CSRP1: variants seen among roughly 807,000 people sequenced by gnomAD.
The protein encoded by CSRP1 is cysteine and glycine-rich protein 1.
CSRP1 carries 16 observed loss-of-function variants against 25.4 expected under a neutral mutation model. That is an observed-to-expected ratio of 0.63 (90% CI 0.43 to 0.96). The LOEUF (loss-of-function observed/expected upper bound fraction) is 0.96. CSRP1 is among the 40% of genes least tolerant of loss of function. The pLI is 0.00. For missense variants in CSRP1, 212 were observed against 243.6 expected, an observed-to-expected ratio of 0.87 and a Z score of 0.86; for synonymous variants, 97 against 95.3, an observed-to-expected ratio of 1.02 and a Z score of -0.10.
At chr1:201,486,523 G>C in intron 4 of CSRP1, 1 of 985,636 alleles carries the variant, frequency 1.0e-6, no homozygotes, top group Non-Finnish European at 1.2e-6. Context: ...GAAATGGGGG[G>C]ACCTGGGTCT....
At chr1:201,495,473 G>A (rs1664481457) in intron 2 of CSRP1, 1 of 152,258 alleles carries the variant, frequency 6.6e-6, no homozygotes, top group African/African-American at 2.4e-5. Flanking sequence ...AGGAACCTGA[G>A]GAGAGGCTTC....
rs995427227 is a variant in CSRP1, at chr1:201,502,028, T to TAAAGAAAG, written c.-2+5041_-2+5042insCTTTCTTT. Among the ~76,000 whole-genome samples, 5 of 139,842 alleles carry TAAAGAAAG rather than the reference T, an allele frequency of 3.6e-5. 1 individual carries two copies. Among genetic ancestry groups the TAAAGAAAG allele is most frequent in the African/African-American group, 1.3e-4 (5 of 39,530 alleles). 91.7% of individuals were successfully genotyped at this position (139,842 alleles called of 152,430 possible). On this transcript the variant is annotated intron_variant, in intron 1 of 5. Transcript: ENST00000340006. ...ATAAATAAATAAATAAATAAATAAA[T>TAAAGAAAG]AAAGTCTGGCTCAGGTGACAGGTTG...
rs115693212 is a variant in CSRP1 at position 201,503,779 on chromosome 1, T to C, written c.-2+3291A>G. Among the ~76,000 whole-genome samples the C allele has an allele frequency of 4.9e-3, 740 of 152,286 alleles. 5 individuals are homozygous for C. The highest frequency in any genetic ancestry group is 0.015 in the African/African-American group (638 of 41,562). On this transcript the variant is annotated intron_variant, in intron 1 of 5. Transcript: ENST00000340006. Reference sequence around the variant, plus strand: ...GAACCCAGGACCCCTCCACCTCACCTTCTCTGCCCTCCCCTCAAGTTTTGC... The same window carrying C: ...GAACCCAGGACCCCTCCACCTCACCCTCTCTGCCCTCCCCTCAAGTTTTGC...
chr1:201,484,785 A>T lies in CSRP1; in HGVS notation c.510T>A (p.Cys170Ter). 3 of 1,611,326 alleles carry T rather than the reference A, an allele frequency of 1.9e-6. No homozygotes were observed. Among genetic ancestry groups the T allele is most frequent in the South Asian group, 1.1e-5 (1 of 90,116 alleles). ...CCTTGGGCCCGAAGTTTTTAGCATA[A>T]CATCCTGCAGAGAGAGGAGAGAGAT... ...DKDGEIYCKGCYAKNFGPKGF... is the reference protein window; with the variant it reads ...DKDGEIYCKG Residue 170 changes from cysteine (C) to a stop codon, truncating the protein, a stop_gained, in exon 6 of 6, where the codon TGT becomes TGA. Coordinates refer to ENST00000340006, the MANE Select transcript of CSRP1 (RefSeq NM_004078.3). LOFTEE classifies it high-confidence loss of function.
intron 1 of CSRP1, among the ~76,000 whole-genome samples, chr1:201,505,534 G>A (rs1664801560): frequency 6.6e-6 from 1 of 152,014 alleles, no homozygotes; most frequent in African/African-American, 2.4e-5. Flanking sequence ...CCTCCATCCT[G>A]GGCATCTCAG....
Position 201,486,905 on chromosome 1 carries a change from T to C in CSRP1, c.412-1529A>G. The C allele has an allele frequency of 2.4e-6, 3 of 1,249,998 alleles. No homozygotes were observed. The South Asian group carries it at 4.3e-5, about 18-fold the overall frequency. The allele number at this position is 1,249,998 out of a possible 1,614,324, so 77.4% of individuals were successfully genotyped here. A position where few individuals can be genotyped will look rare whatever the true frequency, so the allele number is the denominator to read the frequency against. On this transcript the variant is annotated intron_variant, in intron 4 of 5. Coordinates refer to ENST00000340006, the MANE Select transcript of CSRP1 (RefSeq NM_004078.3). ...TTAGCTATTCTTAATAATTTTCTATTCTCATAATGAGATAGAACAAAAAAC... is the reference window on the plus strand; with the variant it reads ...TTAGCTATTCTTAATAATTTTCTATCCTCATAATGAGATAGAACAAAAAAC...
At position 201,483,862 on chromosome 1, in the gene CSRP1, C is replaced by A; in HGVS notation, c.*851G>T. On this transcript the variant is annotated 3_prime_UTR_variant, in exon 6 of 6. Coordinates refer to ENST00000340006, the MANE Select transcript of CSRP1 (RefSeq NM_004078.3). ...CCTCCCTCCACATCTGAGGATCAAGCAGGTGTGGCAAGAACAGAGCCCTGG... is the reference window on the plus strand; with the variant it reads ...CCTCCCTCCACATCTGAGGATCAAGAAGGTGTGGCAAGAACAGAGCCCTGG... 1 of 579,872 alleles carries A rather than the reference C, an allele frequency of 1.7e-6. No individual in the cohort carries two copies. 35.9% of individuals were successfully genotyped at this position (579,872 alleles called of 1,614,324 possible).
intron 1 of CSRP1, among the ~76,000 whole-genome samples, chr1:201,500,479 C>T (rs475416): frequency 0.052 from 7,953 of 152,356 alleles, 235 homozygotes; most frequent in East Asian, 0.091. Context: ...CTGCTCAGGA[C>T]GTCTCTTAGC....
In CSRP1 at chr1:201,496,181, G is replaced by A; in HGVS notation, c.112+11C>T. On this transcript the variant is annotated intron_variant, in intron 2 of 5. Coordinates refer to ENST00000340006, the MANE Select transcript of CSRP1 (RefSeq NM_004078.3). ...CCAAGGCAACAGCAATAGGGCCTGG[G>A]GCGTACTCACTGCACAGGAAGCAGG... The A allele has an allele frequency of 1.2e-6, 2 of 1,608,848 alleles. No individual in the cohort carries two copies. The highest frequency in any genetic ancestry group is 8.5e-7 in the Non-Finnish European group (1 of 1,175,326).
At chr1:201,505,934 A>C (rs1000641714) in intron 1 of CSRP1, among the ~76,000 whole-genome samples, 3 of 152,214 alleles carry the variant, frequency 2.0e-5, no homozygotes, top group African/African-American at 7.2e-5. Flanking sequence ...TCTGGGAGGA[A>C]GGCAAGGGAT....
intron 1 of CSRP1, among the ~76,000 whole-genome samples, chr1:201,499,238 C>T (rs1011494434): frequency 3.3e-5 from 5 of 152,184 alleles, no homozygotes; most frequent in African/African-American, 1.2e-4. Context: ...GTGTTATGGT[C>T]GGCCTGATCA....
intron 3 of CSRP1, 28 bp from the exon 4 acceptor site, chr1:201,489,012 T>A (rs757166598): frequency 3.1e-6 from 5 of 1,611,926 alleles, no homozygotes; most frequent in Non-Finnish European, 3.4e-6. Context: ...TGGGGTGAGG[T>A]GACTTACACT....
Position 201,496,235 on chromosome 1 carries a change from A to T in CSRP1, c.69T>A (p.Val23=). ...TATGGAAGCTGTTGCCTTCGCACTG[A>T]ACCTCTTCGGCAAAGTAAACCGTCT... ...CQKTVYFAEE[V]QCEGNSFHKS... is the part of the protein sequence containing the mutation. The change falls in exon 2 of 6, where the codon GTT becomes GTA. Residue 23 remains valine (V), a synonymous_variant. Transcript: ENST00000340006. The T allele has an allele frequency of 6.2e-7, 1 of 1,614,220 alleles. No individual in the cohort carries two copies. Among genetic ancestry groups the T allele is most frequent in the East Asian group, 2.2e-5 (1 of 44,886 alleles).
At chr1:201,494,842 G>A (rs569403925) in intron 2 of CSRP1, among the ~76,000 whole-genome samples, 52 of 104,680 alleles carry the variant, frequency 5.0e-4, no homozygotes, top group Middle Eastern at 5.1e-3. Flanking sequence ...GTGTGTGTGC[G>A]TGTGCACGTG....
At chr1:201,487,774 T>C (rs1478606030) in intron 4 of CSRP1, 3 of 152,252 alleles carry the variant, frequency 2.0e-5, no homozygotes, top group Non-Finnish European at 4.4e-5. Flanking sequence ...CCTTCCTAGC[T>C]AGCGGATCTG....
chr1:201,498,311 T>C (rs995544679), intron 1 of CSRP1, among the ~76,000 whole-genome samples: 2 of 152,132 alleles, frequency 1.3e-5, no homozygotes, highest in East Asian at 1.9e-4. Flanking sequence ...GGAAGGGCTA[T>C]ACAAAGCACC....
At chr1:201,486,989 A>T (rs1445549111) in intron 4 of CSRP1, 2 of 1,301,604 alleles carry the variant, frequency 1.5e-6, no homozygotes, top group East Asian at 5.6e-5. Flanking sequence ...AATGGCAAGG[A>T]TCTTCATTGT....
chr1:201,495,903 G>A (rs1040084322), intron 2 of CSRP1: 6 of 348,356 alleles, frequency 1.7e-5, no homozygotes, highest in Non-Finnish European at 2.6e-5. Context: ...AGAGAGAGAA[G>A]AGAGAGCTGA....
At chr1:201,498,816 C>T (rs1350031510) in intron 1 of CSRP1, among the ~76,000 whole-genome samples, 1 of 152,186 alleles carries the variant, frequency 6.6e-6, no homozygotes, top group Non-Finnish European at 1.5e-5. Context: ...AGCCTGGCTC[C>T]TAGTGGAGGT....
Sources: gnomAD v4.1 joint callset for allele counts (sites outside exome capture counted in the v4.1 genomes callset) on GRCh38, gnomAD v4.1.1 for gene constraint, MANE v1.5 for transcripts, NCBI Gene and HGNC (gene_info 2026-07-23, HGNC 2026-07-21) for gene names.